The following LMF1 variants were observed in gnomAD, a reference collection of about 807,000 sequenced individuals.
LMF1 encodes transmembrane protein 112.
LMF1 carries 68 observed loss-of-function variants against 60.6 expected under a neutral mutation model. The ratio of observed to expected loss-of-function variants is 1.12; its 90% CI spans 0.92 to 1.37. LMF1 has a LOEUF of 1.37. Among genes scored for constraint, LMF1 ranks in the 40% most tolerant of loss-of-function variants. The pLI, the probability that LMF1 is intolerant of heterozygous loss-of-function variation, is 0.00. For missense variants in LMF1, 948 were observed against 767.2 expected (o/e 1.24, Z -2.78); for synonymous variants, 418 against 324.7 (o/e 1.29, Z -3.09).
intron 4 of LMF1, among the ~76,000 whole-genome samples, chr16:896,961 A>G (rs2070681313): frequency 6.6e-6 from 1 of 151,828 alleles, no homozygotes; most frequent in Admixed American, 6.6e-5. Flanking sequence ...AAAGGAACAA[A>G]GCCTTCTTTG....
chr16:930,461 T>C (rs1277999770), intron 3 of LMF1, among the ~76,000 whole-genome samples: 1 of 152,200 alleles, frequency 6.6e-6, no homozygotes, highest in Non-Finnish European at 1.5e-5. Context: ...ATCGGGAGGC[T>C]GAGGCGGGAG....
chr16:879,075 G>A (rs936880293), intron 6 of LMF1, among the ~76,000 whole-genome samples: 4 of 152,106 alleles, frequency 2.6e-5, no homozygotes, highest in African/African-American at 7.2e-5. Flanking sequence ...TGGGCAGGAC[G>A]GGGCGTTAGG....
chr16:941,262 C>T (rs950843410), intron 2 of LMF1, among the ~76,000 whole-genome samples: 6 of 151,746 alleles, frequency 4.0e-5, no homozygotes, highest in Non-Finnish European at 8.8e-5. Context: ...CAGAGTCTCA[C>T]TCTGTTGCCC....
intron 5 of LMF1, among the ~76,000 whole-genome samples, chr16:882,200 T>C (rs977984847): frequency 1.1e-4 from 17 of 152,124 alleles, no homozygotes. Context: ...CGGTGACAAA[T>C]GTAACAGACA....
chr16:904,491 CCACA>C (rs2070918624), intron 4 of LMF1, among the ~76,000 whole-genome samples: 1 of 80,230 alleles, frequency 1.2e-5, no homozygotes, highest in African/African-American at 7.9e-5. Context: ...TCTGCACCGC[CCACA>C]GGACGCCTGT....
chr16:911,825 C>A (rs1372368488), intron 3 of LMF1, among the ~76,000 whole-genome samples: 1 of 152,034 alleles, frequency 6.6e-6, no homozygotes, highest in Non-Finnish European at 1.5e-5. Context: ...CATGGTGGGT[C>A]CACACGGAAC....
chr16:901,182 T>TCTCCTCTA (rs2070802825), intron 4 of LMF1: 1 of 152,166 alleles, frequency 6.6e-6, no homozygotes, highest in Non-Finnish European at 1.5e-5. Flanking sequence ...ATTGTCCAGG[T>TCTCCTCTA]CTGAGAATTC....
intron 10 of LMF1, among the ~76,000 whole-genome samples, chr16:856,891 G>A (rs1013623040): frequency 6.6e-6 from 1 of 152,216 alleles, no homozygotes; most frequent in Non-Finnish European, 1.5e-5. Flanking sequence ...AGGGATTGCA[G>A]CCAGGGCCTG....
chr16:924,084 G>A (rs756032326), intron 3 of LMF1, among the ~76,000 whole-genome samples: 4 of 152,102 alleles, frequency 2.6e-5, no homozygotes, highest in Non-Finnish European at 4.4e-5. Flanking sequence ...TATTTACAGA[G>A]TCAAAATAAT....
chr16:877,731 G>C (rs1047824284), intron 6 of LMF1, among the ~76,000 whole-genome samples: 2 of 152,124 alleles, frequency 1.3e-5, no homozygotes, highest in South Asian at 4.1e-4. Flanking sequence ...GACAGCACTC[G>C]AGCCCGCCCA....
chr16:948,713 G>A (rs1207250792), intron 2 of LMF1, among the ~76,000 whole-genome samples: 2 of 111,176 alleles, frequency 1.8e-5, no homozygotes, highest in Admixed American at 1.0e-4. Context: ...CAGAGACAAC[G>A]ACAGAGTCAG....
chr16:956,050 G>A (rs537336403), intron 1 of LMF1, among the ~76,000 whole-genome samples: 1 of 135,460 alleles, frequency 7.4e-6, no homozygotes. Context: ...CACGTCTCAC[G>A]GCGCCCACCG....
chr16:923,388 G>A (rs1042503308), intron 3 of LMF1, among the ~76,000 whole-genome samples: 1 of 152,150 alleles, frequency 6.6e-6, no homozygotes, highest in Non-Finnish European at 1.5e-5. Flanking sequence ...CTGAGGGGCT[G>A]AGAAGCTGCA....
intron 1 of LMF1, among the ~76,000 whole-genome samples, chr16:960,098 G>C (rs966754636): frequency 6.6e-6 from 1 of 152,216 alleles, no homozygotes; most frequent in Non-Finnish European, 1.5e-5. Flanking sequence ...CCAGTGCCCA[G>C]ACTGAAGTTT....
chr16:954,746 G>C (rs2072628811), intron 1 of LMF1, 80 bp from the exon 2 acceptor site: 5 of 1,337,290 alleles, frequency 3.7e-6, no homozygotes, highest in Middle Eastern at 2.0e-4. Context: ...CAGAATGCGG[G>C]GCGAGGCAGG....
rs2069113746 is a variant in LMF1, at chr16:853,861, C to T, written c.*671G>A. ...GGGTGTGCGCTGTGTCCATCTGCAC[C>T]TCACAGACACCAGTCATGGGGGGAT... On this transcript the variant is annotated 3_prime_UTR_variant, in exon 11 of 11. Coordinates refer to ENST00000262301, the MANE Select transcript of LMF1 (RefSeq NM_022773.4). 3 of 453,988 alleles carry T rather than the reference C, an allele frequency of 6.6e-6. No homozygotes were observed. Among genetic ancestry groups the T allele is most frequent in the African/African-American group, 6.0e-5 (3 of 50,006 alleles). The allele number at this position is 453,988 out of a possible 1,614,324, so 28.1% of individuals were successfully genotyped here. A position where few individuals can be genotyped will look rare whatever the true frequency, so the allele number is the denominator to read the frequency against.
At chr16:885,735 G>A (rs778316958) in intron 5 of LMF1, among the ~76,000 whole-genome samples, 2 of 152,180 alleles carry the variant, frequency 1.3e-5, no homozygotes, top group African/African-American at 2.4e-5. Flanking sequence ...AAGCAAAAAC[G>A]GATAGAAATG....
At position 854,252 on chromosome 16, in the gene LMF1, T is replaced by G. The variant is rs941187678; in HGVS notation, c.*280A>C. The G allele has an allele frequency of 1.6e-6, 1 of 642,608 alleles. No homozygotes were observed. Among genetic ancestry groups the G allele is most frequent in the African/African-American group, 1.8e-5 (1 of 56,196 alleles). 39.8% of individuals were successfully genotyped at this position (642,608 alleles called of 1,614,324 possible). On this transcript the variant is annotated 3_prime_UTR_variant, in exon 11 of 11. Coordinates refer to ENST00000262301, the MANE Select transcript of LMF1 (RefSeq NM_022773.4). ...TCCTGTGGGCGGCACAGCCCCAGGC[T>G]GGGCCTCTGGGAGGAGGGTGGGATG...
chr16:854,721 A>G lies in LMF1; in HGVS notation c.1530-15T>C, dbSNP rs367769866. ...CTCGGACCCACCTGCAAGGGGGCAC[A>G]TGTCAGCCCAGGGCCTGCTGGGACT... On this transcript the variant is annotated splice_polypyrimidine_tract_variant and intron_variant, in intron 10 of 10. Transcript: ENST00000262301. The G allele has an allele frequency of 2.6e-4, 409 of 1,572,744 alleles. No homozygotes were observed. Among genetic ancestry groups the G allele is most frequent in the Admixed American group, 5.9e-4 (33 of 56,076 alleles).
Sources: allele counts gnomAD v4.1 joint callset (sites outside exome capture counted in the v4.1 genomes callset), GRCh38; gene constraint gnomAD v4.1.1; transcripts MANE v1.5; gene names NCBI Gene and HGNC (gene_info 2026-07-23, HGNC 2026-07-21).